Variants in OGA observed in about 807,000 individuals in gnomAD.
OGA encodes protein O-GlcNAcase.
A neutral mutation model predicts 102.0 loss-of-function variants in OGA; 21 were observed. That is an observed-to-expected ratio of 0.21 (90% CI 0.15 to 0.30). OGA has a LOEUF of 0.30. Ranked by LOEUF, OGA falls within the 10% of genes least tolerant of loss-of-function variation. The probability of loss-of-function intolerance (pLI) is 1.00; values close to 1 mark genes in which losing one functional copy is unlikely to be tolerated. For missense variants in OGA, 765 were observed against 1,107.8 expected, an observed-to-expected ratio of 0.69 and a Z score of 4.39; for synonymous variants, 408 against 378.2, an observed-to-expected ratio of 1.08 and a Z score of -0.91.
rs372242564 is a variant in OGA at position 101,807,908 on chromosome 10, G to GAA, written c.481-9_481-8dup. ...TGCACCCAAACTGAGAAACCTAGGA[G>GAA]AAAAAAAAAAAAAAGAATCAAGAGT... On this transcript the variant is annotated splice_polypyrimidine_tract_variant and splice_region_variant and intron_variant, in intron 4 of 15. Coordinates refer to ENST00000361464, the MANE Select transcript of OGA (RefSeq NM_012215.5). 253 of 1,199,352 alleles carry GAA rather than the reference G, an allele frequency of 2.1e-4. No homozygotes were observed. The highest frequency in any genetic ancestry group is 9.1e-4 in the South Asian group (44 of 48,452). 74.3% of individuals were successfully genotyped at this position (1,199,352 alleles called of 1,614,324 possible). A position where few individuals can be genotyped will look rare whatever the true frequency, so the allele number is the denominator to read the frequency against.
chr10:101,790,259 T>C lies in OGA; in HGVS notation c.2454+637A>G, dbSNP rs1364964005. ...TGAGTACTCAACAAAACGACCATAA[T>C]ATCTTGTTTTTTTTTTTTTTTTTTT... is the stretch of plus-strand genomic sequence containing the variant. On this transcript the variant is annotated intron_variant, in intron 14 of 15. Coordinates refer to ENST00000361464, the MANE Select transcript of OGA (RefSeq NM_012215.5). 2.1e-5 allele frequency among the ~76,000 whole-genome samples: 3 copies of C among 145,870 alleles called. No homozygotes were observed. The East Asian group carries it at 6.0e-4, about 29-fold the overall frequency.
chr10:101,814,345 G>C (rs2065595351), intron 1 of OGA, among the ~76,000 whole-genome samples: 2 of 152,134 alleles, frequency 1.3e-5, no homozygotes, highest in Non-Finnish European at 2.9e-5. Flanking sequence ...AACAACAAAA[G>C]GGTGAGGGGA....
intron 10 of OGA, chr10:101,796,020 T>C (rs1015843780): frequency 6.9e-6 from 3 of 432,910 alleles, no homozygotes; most frequent in Middle Eastern, 1.1e-3. Context: ...ATTTAACTTT[T>C]AATAATTCTT....
At position 101,813,541 on chromosome 10, in the gene OGA, T is replaced by C. The variant is rs929711675; in HGVS notation, c.251+14A>G. On this transcript the variant is annotated intron_variant, in intron 2 of 15. Coordinates refer to ENST00000361464, the MANE Select transcript of OGA (RefSeq NM_012215.5). ...TTAAGGTTCTCCTCTCTCCTTCATA[T>C]AATGAAGATTTACCTTCTAAAGAGT... is the stretch of plus-strand genomic sequence containing the variant. 29 of 1,480,312 alleles carry C rather than the reference T, an allele frequency of 2.0e-5. No individual in the cohort carries two copies. Among genetic ancestry groups the C allele is most frequent in the Non-Finnish European group, 2.2e-5 (24 of 1,074,732 alleles). The allele number at this position is 1,480,312 out of a possible 1,614,324, so 91.7% of individuals were successfully genotyped here.
At chr10:101,792,290 G>A (rs945379264) in intron 12 of OGA, among the ~76,000 whole-genome samples, 1 of 152,180 alleles carries the variant, frequency 6.6e-6, no homozygotes. Context: ...TTACAGGCAT[G>A]AGCCACCAAG....
chr10:101,808,368 C>T (rs1293300351), intron 4 of OGA, among the ~76,000 whole-genome samples: 2 of 152,184 alleles, frequency 1.3e-5, no homozygotes, highest in South Asian at 2.1e-4. Flanking sequence ...GCCTCCTAGT[C>T]CTCATGGGCT....
At chr10:101,799,573 T>C (rs2065362679) in intron 8 of OGA, 118 bp from the exon 9 acceptor site, 4 of 1,064,446 alleles carry the variant, frequency 3.8e-6, no homozygotes, top group Non-Finnish European at 4.0e-6. Context: ...ACCTCAATTT[T>C]AGATCCAAAT....
At position 101,787,512 on chromosome 10, in the gene OGA, C is replaced by T; in HGVS notation, c.2466G>A (p.Leu822=). ...KELSEAEKIM[L]SFHEEQEVLP... is the part of the protein sequence containing the mutation. ...GTACTTCCTGTTCTTCATGGAAACT[C>T]AACATTATTTTCTGGAAAAATTAGA... The change falls in exon 15 of 16, where the codon TTG becomes TTA. Residue 822 remains leucine (L), a synonymous_variant. Coordinates refer to ENST00000361464, the MANE Select transcript of OGA (RefSeq NM_012215.5). 1 of 1,606,578 alleles carries T rather than the reference C, an allele frequency of 6.2e-7. No homozygotes were observed. The highest frequency in any genetic ancestry group is 1.3e-5 in the African/African-American group (1 of 74,882).
At chr10:101,810,941 T>G (rs1357888854) in intron 3 of OGA, among the ~76,000 whole-genome samples, 1 of 152,132 alleles carries the variant, frequency 6.6e-6, no homozygotes, top group East Asian at 1.9e-4. Context: ...TCCGCCTGCC[T>G]TAGCCTCTTA....
intron 7 of OGA, among the ~76,000 whole-genome samples, chr10:101,803,033 C>T (rs1018310637): frequency 1.4e-5 from 2 of 145,118 alleles, no homozygotes; most frequent in Middle Eastern, 3.4e-3. Flanking sequence ...CCCAGCTACT[C>T]GGGAGGCTGA....
intron 14 of OGA, 139 bp from the exon 15 acceptor site, chr10:101,787,662 T>C: frequency 1.4e-6 from 1 of 698,498 alleles, no homozygotes; most frequent in Admixed American, 2.9e-5. Flanking sequence ...AGGATTATCC[T>C]ATAATTCTAG....
At chr10:101,787,674 T>A in intron 14 of OGA, 151 bp from the exon 15 acceptor site, 1 of 664,840 alleles carries the variant, frequency 1.5e-6, no homozygotes, top group Non-Finnish European at 2.5e-6. Flanking sequence ...TAATTCTAGC[T>A]GAAGCATTTT....
At chr10:101,803,358 A>G (rs1214244337) in intron 7 of OGA, among the ~76,000 whole-genome samples, 2 of 149,874 alleles carry the variant, frequency 1.3e-5, no homozygotes, top group Admixed American at 1.4e-4. Context: ...TTTTATTTTT[A>G]TTTATTTCAT....
Position 101,805,568 on chromosome 10 carries a change from T to C in OGA, c.751+477A>G, listed in dbSNP as rs550622618. 1.2e-3 allele frequency among the ~76,000 whole-genome samples: 180 copies of C among 150,582 alleles called. 1 individual carries two copies. Among genetic ancestry groups the C allele is most frequent in the African/African-American group, 4.1e-3 (166 of 40,860 alleles). On this transcript the variant is annotated intron_variant, in intron 6 of 15. Coordinates refer to ENST00000361464, the MANE Select transcript of OGA (RefSeq NM_012215.5). ...TACTTGGGAGGCTGAGTCAGGAGAA[T>C]TGCTTGAACCCGGGAGGCAGAGTTT...
At chr10:101,799,516 G>C (rs1278621084) in intron 8 of OGA, 61 bp from the exon 9 acceptor site, 5 of 1,451,686 alleles carry the variant, frequency 3.4e-6, no homozygotes, top group South Asian at 1.3e-5. Context: ...ATTAGAGATA[G>C]AACACATTAG....
At chr10:101,791,669 G>A (rs536380457) in intron 12 of OGA, among the ~76,000 whole-genome samples, 49 of 152,268 alleles carry the variant, frequency 3.2e-4, no homozygotes, top group Non-Finnish European at 5.9e-4. Flanking sequence ...TTTTGCAGAG[G>A]ATGGTTTTTT....
Position 101,803,976 on chromosome 10 carries a change from T to C in OGA, c.795A>G (p.Glu265=). ...VSKEIPVESI[E]EVSKIIKRAP... ...CTCTCTTAATAATCTTAGAAACCTC[T>C]TCGATGGACTCTACTGGAATTTCTT... The change falls in exon 7 of 16, where the codon GAA becomes GAG. Residue 265 remains glutamate (E), a synonymous_variant. Transcript: ENST00000361464. 1 of 1,613,754 alleles carries C rather than the reference T, an allele frequency of 6.2e-7. No homozygotes were observed. Among genetic ancestry groups the C allele is most frequent in the Non-Finnish European group, 8.5e-7 (1 of 1,179,778 alleles).
Position 101,800,410 on chromosome 10 carries a change from A to G in OGA, c.1037-10T>C, listed in dbSNP as rs2065373929. Reference sequence around the variant, plus strand: ...CTATCTTCACTGTCAGCTGCAAAAAATAAAATAAAAAAGCACAAAAATAGT... The same window carrying G: ...CTATCTTCACTGTCAGCTGCAAAAAGTAAAATAAAAAAGCACAAAAATAGT... On this transcript the variant is annotated splice_polypyrimidine_tract_variant and intron_variant, in intron 7 of 15. Coordinates refer to ENST00000361464, the MANE Select transcript of OGA (RefSeq NM_012215.5). The G allele has an allele frequency of 1.3e-6, 2 of 1,598,596 alleles. No individual in the cohort carries two copies. Among genetic ancestry groups the G allele is most frequent in the Non-Finnish European group, 1.7e-6 (2 of 1,173,652 alleles).
intron 7 of OGA, among the ~76,000 whole-genome samples, chr10:101,800,956 G>A (rs1056730206): frequency 6.6e-5 from 10 of 151,716 alleles, no homozygotes; most frequent in African/African-American, 2.2e-4. Flanking sequence ...TCTATTATTC[G>A]TGAAGATGGG....
Sources: gnomAD v4.1 joint callset for allele counts (sites outside exome capture counted in the v4.1 genomes callset) on GRCh38, gnomAD v4.1.1 for gene constraint, MANE v1.5 for transcripts, NCBI Gene and HGNC (gene_info 2026-07-23, HGNC 2026-07-21) for gene names.